CCDC172: variants seen among roughly 807,000 people sequenced by gnomAD.
CCDC172 encodes the protein coiled-coil domain containing 172.
CCDC172 carries 30 observed loss-of-function variants against 38.0 expected under a neutral mutation model. That is an observed-to-expected ratio of 0.79 (90% confidence interval 0.59 to 1.07). The LOEUF is 1.07. Among genes scored for constraint, CCDC172 ranks in the 50% least tolerant of loss-of-function variants. The pLI is 0.00. For missense variants in CCDC172, 297 were observed against 290.1 expected (o/e 1.02, Z -0.17); for synonymous variants, 78 against 88.3 (o/e 0.88, Z 0.66).
chr10:116,361,697 A>G (rs1405717184), intron 7 of CCDC172, among the ~76,000 whole-genome samples: 1 of 152,210 alleles, frequency 6.6e-6, no homozygotes, highest in East Asian at 1.9e-4. Flanking sequence ...CTCTAAATGC[A>G]TTAATGTCAT....
chr10:116,379,194 T>A (rs1845283266), intron 8 of CCDC172, 129 bp from the exon 9 acceptor site: 3 of 477,900 alleles, frequency 6.3e-6, no homozygotes. Flanking sequence ...TTGAATTTAT[T>A]TTTTTTTATA....
intron 3 of CCDC172, among the ~76,000 whole-genome samples, chr10:116,331,981 A>T (rs1324659119): frequency 6.6e-6 from 1 of 152,168 alleles, no homozygotes; most frequent in Non-Finnish European, 1.5e-5. Flanking sequence ...CTGCATCTCT[A>T]GGGCAACAGG....
At chr10:116,362,321 T>C (rs1369705580) in intron 7 of CCDC172, among the ~76,000 whole-genome samples, 1 of 152,236 alleles carries the variant, frequency 6.6e-6, no homozygotes, top group Non-Finnish European at 1.5e-5. Context: ...CTTAATTATT[T>C]ATCAAAATGT....
chr10:116,375,940 T>G (rs1274716912), intron 7 of CCDC172, among the ~76,000 whole-genome samples: 3 of 152,164 alleles, frequency 2.0e-5, no homozygotes, highest in Non-Finnish European at 4.4e-5. Flanking sequence ...TGTAAATTAG[T>G]TCAACCATTG....
rs118091162 is a variant in CCDC172, at chr10:116,331,951, G to C, written c.165+6563G>C. On this transcript the variant is annotated intron_variant, in intron 3 of 8. Transcript: ENST00000333254. ...CTCGTTTTCCACTCATGGCTCAATG[G>C]GATATAGCTCACTTATACACTGCAT... is the stretch of plus-strand genomic sequence containing the variant. 7.1e-4 allele frequency among the ~76,000 whole-genome samples: 108 copies of C among 152,204 alleles called. No homozygotes were observed. The East Asian group carries it at 0.017, about 25-fold the overall frequency.
intron 3 of CCDC172, among the ~76,000 whole-genome samples, chr10:116,325,792 T>C (rs900189883): frequency 6.6e-6 from 1 of 152,240 alleles, no homozygotes; most frequent in East Asian, 1.9e-4. Flanking sequence ...CCCCTGCCTT[T>C]AGTTTTAAAA....
intron 7 of CCDC172, among the ~76,000 whole-genome samples, chr10:116,358,887 A>G (rs937504391): frequency 1.2e-4 from 18 of 152,126 alleles, no homozygotes; most frequent in Admixed American, 1.3e-4. Flanking sequence ...GAGGGCTTCC[A>G]ATCTGAACTC....
intron 7 of CCDC172, among the ~76,000 whole-genome samples, chr10:116,371,623 G>C (rs1303543095): frequency 6.6e-6 from 1 of 151,894 alleles, no homozygotes; most frequent in East Asian, 1.9e-4. Context: ...GGATTATCTG[G>C]TGTCTCAAAG....
intron 5 of CCDC172, among the ~76,000 whole-genome samples, chr10:116,348,481 T>G (rs1422005624): frequency 6.6e-6 from 1 of 152,210 alleles, no homozygotes. Flanking sequence ...TATTTTTATA[T>G]TTATACTATT....
At chr10:116,324,686 G>A in intron 1 of CCDC172, 73 bp downstream of exon 1, 1 of 269,100 alleles carries the variant, frequency 3.7e-6, no homozygotes, top group Non-Finnish European at 7.0e-6. Flanking sequence ...TGAGTCAGGG[G>A]TTCCGCCAGG....
chr10:116,364,997 G>A (rs1845106480), intron 7 of CCDC172, among the ~76,000 whole-genome samples: 1 of 152,100 alleles, frequency 6.6e-6, no homozygotes, highest in South Asian at 2.1e-4. Context: ...GCCTATCATA[G>A]TCATTATTTG....
intron 7 of CCDC172, among the ~76,000 whole-genome samples, chr10:116,377,765 C>T (rs1845266145): frequency 6.6e-6 from 1 of 151,896 alleles, no homozygotes; most frequent in East Asian, 1.9e-4. Context: ...TTCAGAGAAG[C>T]TAAATGTTTT....
chr10:116,337,143 A>C (rs1472479302), intron 3 of CCDC172, among the ~76,000 whole-genome samples: 4 of 138,518 alleles, frequency 2.9e-5, no homozygotes, highest in Admixed American at 1.6e-4. Context: ...AAGCTTGGCT[A>C]TGTGATTCTA....
Position 116,357,920 on chromosome 10 carries a change from A to T in CCDC172, c.635A>T (p.Asn212Ile). 1 of 1,570,228 alleles carries T rather than the reference A, an allele frequency of 6.4e-7. No homozygotes were observed. Residue 212 changes from asparagine (N) to isoleucine (I), a missense_variant, in exon 7 of 9, where the codon AAT becomes ATT. By Grantham distance (149) the Asn-to-Ile change is moderately radical (BLOSUM62 -3). Coordinates refer to ENST00000333254, the MANE Select transcript of CCDC172 (RefSeq NM_198515.3). ...ATAAAAATCAGTGAAAAGCCTCAAA[A>T]TGATACAGAATGCTTAAGGTAAGAG... Reference protein sequence around the residue: ...EKIKISEKPQNDTECLRLKKE... With the variant: ...EKIKISEKPQIDTECLRLKKE...
chr10:116,358,930 A>T (rs994697851), intron 7 of CCDC172, among the ~76,000 whole-genome samples: 1 of 152,172 alleles, frequency 6.6e-6, no homozygotes, highest in Non-Finnish European at 1.5e-5. Context: ...AGTCATAAAA[A>T]TGTGCTCTGG....
intron 7 of CCDC172, among the ~76,000 whole-genome samples, chr10:116,372,584 T>C (rs1204142628): frequency 6.6e-6 from 1 of 152,126 alleles, no homozygotes; most frequent in Non-Finnish European, 1.5e-5. Context: ...TTTACCATAG[T>C]GCATTTGAGA....
At chr10:116,335,801 T>A (rs553529421) in intron 3 of CCDC172, among the ~76,000 whole-genome samples, 1 of 152,186 alleles carries the variant, frequency 6.6e-6, no homozygotes, top group African/African-American at 2.4e-5. Flanking sequence ...GTATTTATTT[T>A]GTTACTAGCT....
chr10:116,366,472 T>C (rs963112265), intron 7 of CCDC172, among the ~76,000 whole-genome samples: 4 of 152,228 alleles, frequency 2.6e-5, no homozygotes, highest in Admixed American at 2.6e-4. Flanking sequence ...TTTGTATTTG[T>C]TTTTGAGTTC....
At chr10:116,364,007 A>C (rs1251279743) in intron 7 of CCDC172, among the ~76,000 whole-genome samples, 1 of 152,088 alleles carries the variant, frequency 6.6e-6, no homozygotes, top group Non-Finnish European at 1.5e-5. Flanking sequence ...ATTAAATGGT[A>C]AACTGGAATA....
Sources: gnomAD v4.1 joint callset for allele counts (sites outside exome capture counted in the v4.1 genomes callset) on GRCh38, gnomAD v4.1.1 for gene constraint, MANE v1.5 for transcripts, NCBI Gene and HGNC (gene_info 2026-07-23, HGNC 2026-07-21) for gene names.